The following CLIP2 variants were observed in gnomAD, a reference collection of about 807,000 sequenced individuals.
CLIP2 encodes CAP-Gly domain-containing linker protein 2.
In CLIP2, 41 loss-of-function variants were observed where a neutral mutation model predicts 111.7. That is an observed-to-expected ratio of 0.37 (90% CI 0.29 to 0.48). The LOEUF (loss-of-function observed/expected upper bound fraction) is 0.48. Ranked by LOEUF, CLIP2 falls within the 20% of genes least tolerant of loss-of-function variation. The probability of loss-of-function intolerance (pLI) is 0.99; values close to 1 mark genes in which losing one functional copy is unlikely to be tolerated. For synonymous variants in CLIP2, 660 were observed against 644.2 expected (o/e 1.02, Z -0.37); for missense variants, 1,160 against 1,422.1 (o/e 0.82, Z 2.96).
At position 74,356,641 on chromosome 7, in the gene CLIP2, G is replaced by A. The variant is rs782755288; in HGVS notation, c.1017+18G>A. 1.2e-6 allele frequency: 2 copies of A among 1,603,134 alleles called. No individual in the cohort carries two copies. The highest frequency in any genetic ancestry group is 1.1e-5 in the South Asian group (1 of 90,082). ...GTGGCCTGGTGAGGGTGGGGCTGCA[G>A]AAGGGGATTCTCTGGTGTGCGTTTG... is the stretch of plus-strand genomic sequence containing the variant. On this transcript the variant is annotated intron_variant, in intron 5 of 16. Coordinates refer to ENST00000223398, the MANE Select transcript of CLIP2 (RefSeq NM_003388.5).
intron 3 of CLIP2, among the ~76,000 whole-genome samples, chr7:74,344,939 G>C (rs1789761935): frequency 6.6e-6 from 1 of 152,154 alleles, no homozygotes; most frequent in African/African-American, 2.4e-5. Context: ...AGGAGGGTGG[G>C]ATCTGGTCTG....
intron 6 of CLIP2, among the ~76,000 whole-genome samples, chr7:74,357,731 A>G (rs1247411562): frequency 2.0e-5 from 3 of 151,016 alleles, no homozygotes; most frequent in African/African-American, 7.3e-5. Flanking sequence ...CTGCTTTTTA[A>G]TTATTTATTT....
intron 2 of CLIP2, among the ~76,000 whole-genome samples, chr7:74,326,418 A>G (rs1455027614): frequency 2.6e-5 from 4 of 152,260 alleles, no homozygotes. Flanking sequence ...AGACAGGTGG[A>G]TGGGAGGAGG....
At chr7:74,383,144 C>G (rs1790993808) in intron 11 of CLIP2, among the ~76,000 whole-genome samples, 4 of 149,856 alleles carry the variant, frequency 2.7e-5, no homozygotes. Context: ...GTGGTTTCTT[C>G]TGGTACTTTT....
chr7:74,331,343 A>G (rs2528995), intron 2 of CLIP2, among the ~76,000 whole-genome samples: 92,703 of 150,908 alleles, frequency 0.61, 30,381 homozygotes, highest in Middle Eastern at 0.74. Context: ...AGCAATGGCG[A>G]TTTGCAACCT....
chr7:74,357,598 T>G (rs1229224911), intron 6 of CLIP2, 121 bp downstream of exon 6: 7 of 822,916 alleles, frequency 8.5e-6, no homozygotes, highest in Non-Finnish European at 1.3e-5. Flanking sequence ...ACACAAGCAG[T>G]ACCTGTCCCC....
chr7:74,377,999 T>C (rs1790840046), intron 10 of CLIP2, among the ~76,000 whole-genome samples: 1 of 152,114 alleles, frequency 6.6e-6, no homozygotes, highest in Admixed American at 6.6e-5. Flanking sequence ...CTAATTCTTA[T>C]ATTTTTAGTA....
intron 1 of CLIP2, among the ~76,000 whole-genome samples, chr7:74,312,644 G>A (rs1344344469): frequency 6.6e-6 from 1 of 152,176 alleles, no homozygotes; most frequent in Non-Finnish European, 1.5e-5. Flanking sequence ...TTCTGAGGAC[G>A]AAGGGAGCAG....
chr7:74,317,407 T>A, intron 1 of CLIP2, 73 bp from the exon 2 acceptor site: 1 of 1,059,578 alleles, frequency 9.4e-7, no homozygotes, highest in Non-Finnish European at 1.2e-6. Context: ...GGGATGTGTG[T>A]TGCTTGATGG....
chr7:74,371,319 T>C (rs1790612396), intron 8 of CLIP2, among the ~76,000 whole-genome samples: 1 of 149,464 alleles, frequency 6.7e-6, no homozygotes, highest in African/African-American at 2.5e-5. Context: ...GCCCTTGAAA[T>C]TGCGAAGCTG....
Position 74,338,261 on chromosome 7 carries a change from G to T in CLIP2, c.122-187G>T, listed in dbSNP as rs574074969. Among the ~76,000 whole-genome samples the T allele has an allele frequency of 1.4e-4, 22 of 152,190 alleles. No homozygotes were observed. The highest frequency in any genetic ancestry group is 2.5e-4 in the Non-Finnish European group (17 of 68,024). ...TCACGCCTGTAATCCCAGCAATTTG[G>T]GAAGCCAAGGCGGGCGGATTTCTTG... On this transcript the variant is annotated intron_variant, in intron 2 of 16. Transcript: ENST00000223398. This position sits in a 1 kb window ranked among gnomAD's most constrained non-coding sequence, Gnocchi z 4.3.
intron 1 of CLIP2, among the ~76,000 whole-genome samples, chr7:74,308,327 G>T (rs1480508331): frequency 6.6e-6 from 1 of 152,086 alleles, no homozygotes; most frequent in Non-Finnish European, 1.5e-5. Context: ...ATGCTGGCTG[G>T]TTGGGAGGCC....
In CLIP2 at chr7:74,293,532, G is replaced by A. The variant is rs564088095; in HGVS notation, c.-68+3798G>A. Among the ~76,000 whole-genome samples, 4 of 152,250 alleles carry A rather than the reference G, an allele frequency of 2.6e-5. No individual in the cohort carries two copies. In the South Asian group the frequency reaches 8.3e-4, roughly 32 times the overall value. ...CCAGCCTGGATGAGGAAGCCCACCC[G>A]CCTCTGCTCGGCTAGTGGGGGGGCA... On this transcript the variant is annotated intron_variant, in intron 1 of 16. Transcript: ENST00000223398.
chr7:74,363,301 C>G (rs1479288409), intron 7 of CLIP2, among the ~76,000 whole-genome samples: 1 of 152,190 alleles, frequency 6.6e-6, no homozygotes, highest in Non-Finnish European at 1.5e-5. Context: ...TGCAACTGGC[C>G]CAGCCTTGAG....
chr7:74,367,227 G>A (rs560245), intron 8 of CLIP2, among the ~76,000 whole-genome samples: 50,725 of 151,070 alleles, frequency 0.34, 9,752 homozygotes, highest in Middle Eastern at 0.48. Context: ...GTCTCGCTCT[G>A]TCACCCAGGC....
chr7:74,362,359 G>A (rs1202944849), intron 7 of CLIP2, among the ~76,000 whole-genome samples: 1 of 152,082 alleles, frequency 6.6e-6, no homozygotes, highest in East Asian at 1.9e-4. Context: ...GGTCTGTTCT[G>A]TGGGCTTTCA....
chr7:74,374,267 A>G (rs1409080997), intron 9 of CLIP2, among the ~76,000 whole-genome samples: 1 of 152,236 alleles, frequency 6.6e-6, no homozygotes. Context: ...CACAGGGTCC[A>G]TTTGCACACA....
At position 74,317,561 on chromosome 7, in the gene CLIP2, C is replaced by T. The variant is rs781991056; in HGVS notation, c.15C>T (p.Ser5=). Residue 5 remains serine (S), a synonymous_variant, in exon 2 of 17, where the codon AGC becomes AGT. Coordinates refer to ENST00000223398, the MANE Select transcript of CLIP2 (RefSeq NM_003388.5). The stretch of plus-strand genomic sequence containing the variant: ...GTGGCACCGCCATGCAGAAGCCCAG[C>T]GGCCTGAAGCCCCCCGGCCGTGGGG... The part of the protein sequence containing the change: MQKP[S]GLKPPGRGGK... 13 of 1,452,184 alleles carry T rather than the reference C, an allele frequency of 9.0e-6. No homozygotes were observed. The highest frequency in any genetic ancestry group is 7.5e-5 in the South Asian group (5 of 67,106). 90.0% of individuals were successfully genotyped at this position (1,452,184 alleles called of 1,614,324 possible).
chr7:74,318,201 G>T (rs1228783465), intron 2 of CLIP2, among the ~76,000 whole-genome samples: 1 of 152,000 alleles, frequency 6.6e-6, no homozygotes, highest in Non-Finnish European at 1.5e-5. Context: ...ACATGCAAAT[G>T]CTCAGAGGCA....
Sources: gnomAD v4.1 joint callset for allele counts (sites outside exome capture counted in the v4.1 genomes callset) on GRCh38, gnomAD v4.1.1 for gene constraint, Gnocchi (gnomAD v3.1) non-coding constraint, MANE v1.5 for transcripts, NCBI Gene and HGNC (gene_info 2026-07-23, HGNC 2026-07-21) for gene names.